PCDHGA7: variants seen among roughly 807,000 people sequenced by gnomAD.
PCDHGA7 encodes the protein protocadherin gamma subfamily A, 7.
In PCDHGA7, 44 loss-of-function variants were observed where a neutral mutation model predicts 58.3. The ratio of observed to expected loss-of-function variants is 0.75; its 90% CI spans 0.59 to 0.97. The LOEUF is 0.97. Among genes scored for constraint, PCDHGA7 ranks in the 50% least tolerant of loss-of-function variants. The pLI, the probability that PCDHGA7 is intolerant of heterozygous loss-of-function variation, is 0.00. For synonymous variants in PCDHGA7, 516 were observed against 504.2 expected (o/e 1.02, Z -0.31); for missense variants, 1,266 against 1,188.7 (o/e 1.06, Z -0.96).
chr5:141,498,093 G>T (rs975304630), intron 2 of PCDHGA7, among the ~76,000 whole-genome samples: 4 of 152,220 alleles, frequency 2.6e-5, no homozygotes, highest in Admixed American at 1.3e-4. Context: ...AATTGTATCT[G>T]GTGGTGTGGG....
At chr5:141,505,579 G>A (rs1047837546) in intron 3 of PCDHGA7, 98 bp downstream of exon 3, 6 of 1,588,858 alleles carry the variant, frequency 3.8e-6, no homozygotes, top group Non-Finnish European at 4.3e-6. Flanking sequence ...TCAAACCTGT[G>A]TAGTTTCTCC....
chr5:141,390,064 C>T, intron 1 of PCDHGA7: 1 of 1,614,060 alleles, frequency 6.2e-7, no homozygotes. Flanking sequence ...TGCTTCCAGC[C>T]TGGTCTCTGT....
intron 1 of PCDHGA7, chr5:141,404,943 T>C: frequency 1.2e-6 from 2 of 1,613,914 alleles, no homozygotes; most frequent in Non-Finnish European, 8.5e-7. Context: ...ACAGTAGCCA[T>C]AGCTGACAGC....
chr5:141,508,979 G>A (rs1317798009), intron 3 of PCDHGA7, among the ~76,000 whole-genome samples: 1 of 152,110 alleles, frequency 6.6e-6, no homozygotes, highest in Non-Finnish European at 1.5e-5. Context: ...GCTGGGGGTG[G>A]GGGCCAGCTG....
rs542113846 is a variant in PCDHGA7 at position 141,433,037 on chromosome 5, A to G, written c.2424+47714A>G. ...GACCTATTCCCACGAGGTTTCCCTCACCACGGACTCGCGGAAGAGTCACCT... is the reference window on the plus strand; with the variant it reads ...GACCTATTCCCACGAGGTTTCCCTCGCCACGGACTCGCGGAAGAGTCACCT... On this transcript the variant is annotated intron_variant, in intron 1 of 3. Coordinates refer to ENST00000518325, the MANE Select transcript of PCDHGA7 (RefSeq NM_018920.4). 249 of 1,614,172 alleles carry G rather than the reference A, an allele frequency of 1.5e-4. 6 individuals are homozygous for G. The South Asian group carries it at 2.5e-3, about 16-fold the overall frequency.
intron 1 of PCDHGA7, chr5:141,415,357 C>T: frequency 6.2e-7 from 1 of 1,614,250 alleles, no homozygotes; most frequent in Non-Finnish European, 8.5e-7. Context: ...CAAGTCACGC[C>T]TGCTGCAGGC....
At position 141,481,880 on chromosome 5, in the gene PCDHGA7, C is replaced by T. The variant is rs555652518; in HGVS notation, c.2425-12927C>T. Among the ~76,000 whole-genome samples, 5 of 145,406 alleles carry T rather than the reference C, an allele frequency of 3.4e-5. No individual in the cohort carries two copies. The East Asian group carries it at 1.0e-3, about 29-fold the overall frequency. On this transcript the variant is annotated intron_variant, in intron 1 of 3. Transcript: ENST00000518325. ...AGTGAGCCGAGATCGCGCCACTGCA[C>T]TCCAGCCTGGGTGAAAGAGCGAAAC...
Position 141,487,540 on chromosome 5 carries a change from G to T in PCDHGA7, c.2425-7267G>T, listed in dbSNP as rs1319372340. The T allele has an allele frequency of 1.2e-6, 2 of 1,614,208 alleles. No homozygotes were observed. Among genetic ancestry groups the T allele is most frequent in the Admixed American group, 3.3e-5 (2 of 60,034 alleles). ...GGAGTGATAGCTTCATGATGGTGAA[G>T]TCACCCAGTGCACCTATGGCAGGGG... is the stretch of plus-strand genomic sequence containing the variant. On this transcript the variant is annotated intron_variant, in intron 1 of 3. Transcript: ENST00000518325. This position sits in a 1 kb window ranked among gnomAD's most constrained non-coding sequence, Gnocchi z 5.0.
chr5:141,393,126 A>T, intron 1 of PCDHGA7: 1 of 1,613,436 alleles, frequency 6.2e-7, no homozygotes, highest in Non-Finnish European at 8.5e-7. Context: ...GTGTCTGATA[A>T]ATATTAACAC....
chr5:141,402,704 T>C (rs1237933133), intron 1 of PCDHGA7, among the ~76,000 whole-genome samples: 1 of 152,216 alleles, frequency 6.6e-6, no homozygotes, highest in East Asian at 1.9e-4. Flanking sequence ...TCAGTGGGTG[T>C]AGTAACGGCT....
chr5:141,423,236 C>G, intron 1 of PCDHGA7: 1 of 1,613,920 alleles, frequency 6.2e-7, no homozygotes, highest in Non-Finnish European at 8.5e-7. Flanking sequence ...GACAGCATCC[C>G]CGAAGTCCTG....
intron 3 of PCDHGA7, among the ~76,000 whole-genome samples, chr5:141,508,616 G>T (rs1007206932): frequency 6.6e-6 from 1 of 152,114 alleles, no homozygotes; most frequent in African/African-American, 2.4e-5. Flanking sequence ...ATAGGACGTG[G>T]GTGGGCCGAG....
At chr5:141,438,591 C>CATATATATATATAT (rs946798767) in intron 1 of PCDHGA7, among the ~76,000 whole-genome samples, 3 of 75,556 alleles carry the variant, frequency 4.0e-5, no homozygotes, top group Non-Finnish European at 8.0e-5. Context: ...TACATACATA[C>CATATATATATATAT]ATATATATAT....
chr5:141,489,085 G>A lies in PCDHGA7; in HGVS notation c.2425-5722G>A, dbSNP rs1347512723. The A allele has an allele frequency of 2.6e-5, 6 of 230,066 alleles. No homozygotes were observed. The South Asian group carries it at 4.3e-4, about 16-fold the overall frequency. 14.3% of individuals were successfully genotyped at this position (230,066 alleles called of 1,614,324 possible). A position where few individuals can be genotyped will look rare whatever the true frequency, so the allele number is the denominator to read the frequency against. Reference sequence around the variant, plus strand: ...TCCCCCCTGCCCACCCCCGCCACTCGGTGACTAAGAACTGCTGCAAGCAGG... The same window carrying A: ...TCCCCCCTGCCCACCCCCGCCACTCAGTGACTAAGAACTGCTGCAAGCAGG... On this transcript the variant is annotated intron_variant, in intron 1 of 3. Coordinates refer to ENST00000518325, the MANE Select transcript of PCDHGA7 (RefSeq NM_018920.4). The surrounding 1 kb of genome is among the most constrained non-coding windows in gnomAD (Gnocchi z 4.5).
intron 1 of PCDHGA7, chr5:141,409,204 C>A: frequency 6.2e-7 from 1 of 1,613,942 alleles, no homozygotes; most frequent in South Asian, 1.1e-5. Flanking sequence ...GTAAAGTAAT[C>A]ATAGAAATCC....
In PCDHGA7 at chr5:141,485,013, C is replaced by A. The variant is rs551059588; in HGVS notation, c.2425-9794C>A. ...GTGAAAGGCAGACAAATCTACCCCG[C>A]CACCAGCAAAAACGGCGCGTAACCC... On this transcript the variant is annotated intron_variant, in intron 1 of 3. Coordinates refer to ENST00000518325, the MANE Select transcript of PCDHGA7 (RefSeq NM_018920.4). This position sits in a 1 kb window ranked among gnomAD's most constrained non-coding sequence, Gnocchi z 5.7. The A allele has an allele frequency of 6.3e-6, 4 of 634,556 alleles. No homozygotes were observed. Among genetic ancestry groups the A allele is most frequent in the South Asian group, 3.9e-5 (2 of 51,594 alleles). The allele number at this position is 634,556 out of a possible 1,614,324, so 39.3% of individuals were successfully genotyped here. A position where few individuals can be genotyped will look rare whatever the true frequency, so the allele number is the denominator to read the frequency against.
intron 1 of PCDHGA7, among the ~76,000 whole-genome samples, chr5:141,472,026 G>C (rs2099269805): frequency 6.6e-6 from 1 of 152,108 alleles, no homozygotes; most frequent in Non-Finnish European, 1.5e-5. Context: ...ATTGTATGTA[G>C]AAAGCTGTGA....
intron 1 of PCDHGA7, chr5:141,410,735 T>C: frequency 7.5e-7 from 1 of 1,336,188 alleles, no homozygotes; most frequent in Non-Finnish European, 1.0e-6. Context: ...CATAGCTTTT[T>C]ACAATATTTT....
rs1421670958 is a variant in PCDHGA7, at chr5:141,432,558, A to C, written c.2424+47235A>C. ...GTGGCGGTGGACAGAGACTCCGGCC[A>C]GAACGCCTGGCTGTCCTACCGTCTG... On this transcript the variant is annotated intron_variant, in intron 1 of 3. Transcript: ENST00000518325. This position sits in a 1 kb window ranked among gnomAD's most constrained non-coding sequence, Gnocchi z 6.0. The C allele has an allele frequency of 1.9e-6, 3 of 1,613,756 alleles. No individual in the cohort carries two copies. The highest frequency in any genetic ancestry group is 2.2e-5 in the South Asian group (2 of 91,060).
Sources: gnomAD v4.1 joint callset for allele counts (sites outside exome capture counted in the v4.1 genomes callset) on GRCh38, gnomAD v4.1.1 for gene constraint, Gnocchi (gnomAD v3.1) non-coding constraint, MANE v1.5 for transcripts, NCBI Gene and HGNC (gene_info 2026-07-23, HGNC 2026-07-21) for gene names.